The following IGSF5 variants were observed in gnomAD, a reference collection of about 807,000 sequenced individuals.
The protein encoded by IGSF5 is immunoglobulin superfamily 5 like.
In IGSF5, 41 loss-of-function variants were observed where a neutral mutation model predicts 39.4. That is an observed-to-expected ratio of 1.04 (90% CI 0.81 to 1.35). The LOEUF is 1.35. IGSF5 is among the 40% of genes most tolerant of loss of function. The pLI is 0.00. For synonymous variants in IGSF5, 183 were observed against 175.3 expected (o/e 1.04, Z -0.34); for missense variants, 487 against 494.6 (o/e 0.98, Z 0.15).
chr21:39,790,395 C>T (rs1395743014), intron 6 of IGSF5, among the ~76,000 whole-genome samples: 1 of 152,188 alleles, frequency 6.6e-6, no homozygotes, highest in East Asian at 1.9e-4. Context: ...CGTGGTGGCT[C>T]ACTCCTGTAG....
the IGSF5 span, among the ~76,000 whole-genome samples, chr21:39,734,439 T>TACACACACACACACACAC: frequency 3.3e-5 from 4 of 120,288 alleles, no homozygotes; most frequent in Non-Finnish European, 4.9e-5. Flanking sequence ...AAAAAAAAAA[T>TACACACACACACACACAC]ACACACACAC....
At chr21:39,730,412 G>T in the IGSF5 span, 2 of 152,116 alleles carry the variant, frequency 1.3e-5, no homozygotes, top group Non-Finnish European at 2.9e-5. Flanking sequence ...GCCACATTCT[G>T]AGGAACTGTG....
the IGSF5 span, among the ~76,000 whole-genome samples, chr21:39,738,011 G>A: frequency 6.6e-6 from 1 of 152,160 alleles, no homozygotes; most frequent in Non-Finnish European, 1.5e-5. The surrounding 1 kb of genome is among the most constrained non-coding windows in gnomAD (Gnocchi z 6.4). Context: ...TATGAGCCAG[G>A]AACCATGGGT....
intron 5 of IGSF5, among the ~76,000 whole-genome samples, chr21:39,786,861 A>G (rs950840313): frequency 6.6e-6 from 1 of 152,150 alleles, no homozygotes; most frequent in Non-Finnish European, 1.5e-5. Context: ...CGCAAGAACA[A>G]AAAACCAAAC....
chr21:39,738,278 C>T, the IGSF5 span, among the ~76,000 whole-genome samples: 6 of 152,244 alleles, frequency 3.9e-5, no homozygotes, highest in East Asian at 1.9e-4. This position sits in a 1 kb window ranked among gnomAD's most constrained non-coding sequence, Gnocchi z 6.4. Context: ...GAAGTGAAAG[C>T]GGAAACCCTT....
the IGSF5 span, among the ~76,000 whole-genome samples, chr21:39,724,969 T>A: frequency 6.6e-6 from 1 of 152,222 alleles, no homozygotes. Context: ...CGAATCCTGA[T>A]ACAATACAAA....
At chr21:39,730,577 G>A in the IGSF5 span, 1 of 152,250 alleles carries the variant, frequency 6.6e-6, no homozygotes, top group East Asian at 1.9e-4. Flanking sequence ...CATCCAGGGA[G>A]TTCGTTTCTT....
intron 8 of IGSF5, among the ~76,000 whole-genome samples, chr21:39,799,319 G>A (rs116153145): frequency 1.3e-5 from 2 of 152,100 alleles, no homozygotes; most frequent in East Asian, 1.9e-4. Flanking sequence ...TATAAATACC[G>A]CTGCCTTGGT....
At chr21:39,785,960 G>C (rs1293063992) in intron 5 of IGSF5, among the ~76,000 whole-genome samples, 1 of 152,126 alleles carries the variant, frequency 6.6e-6, no homozygotes, top group African/African-American at 2.4e-5. Flanking sequence ...ATCAATTCAA[G>C]ATGGATTAAA....
chr21:39,768,220 A>G (rs571637790), intron 3 of IGSF5, among the ~76,000 whole-genome samples: 9 of 152,266 alleles, frequency 5.9e-5, no homozygotes, highest in Admixed American at 1.3e-4. Context: ...CATTGCTCTG[A>G]ATGGCACTTA....
Position 39,771,128 on chromosome 21 carries a change from G to A in IGSF5, c.631G>A (p.Gly211Arg). 6.2e-7 allele frequency: 1 copy of A among 1,611,924 alleles called. No individual in the cohort carries two copies. The highest frequency in any genetic ancestry group is 1.1e-5 in the South Asian group (1 of 90,360). Reference protein sequence around the residue: ...SILALTPQSNGTLTCVATWKS... With the variant: ...SILALTPQSNRTLTCVATWKS... ...CCTGGCTCTGACCCCACAGAGCAAT[G>A]GGACTTTGACTTGCGTGGCTACCTG... The change falls in exon 4 of 9, where the codon GGG becomes AGG. Residue 211 changes from glycine to arginine, a missense_variant. Physicochemically the swap from Gly to Arg is moderately radical, Grantham distance 125 (BLOSUM62 -2). Coordinates refer to ENST00000380588, the MANE Select transcript of IGSF5 (RefSeq NM_001080444.2).
At chr21:39,736,804 T>TGCTGAG in the IGSF5 span, among the ~76,000 whole-genome samples, 7 of 152,318 alleles carry the variant, frequency 4.6e-5, no homozygotes, top group East Asian at 1.9e-4. Flanking sequence ...CCAGTAGTGG[T>TGCTGAG]GCTGAGGCTG....
Position 39,785,943 on chromosome 21 carries a change from C to T in IGSF5, c.935-2224C>T, listed in dbSNP as rs111702031. 6.6e-5 allele frequency among the ~76,000 whole-genome samples: 10 copies of T among 152,138 alleles called. No homozygotes were observed. The East Asian group carries it at 9.7e-4, about 15-fold the overall frequency. ...AACTGGATCCCTTCCTTACACCTTACACAAAAATCAATTCAAGATGGATTA... is the reference window on the plus strand; with the variant it reads ...AACTGGATCCCTTCCTTACACCTTATACAAAAATCAATTCAAGATGGATTA... On this transcript the variant is annotated intron_variant, in intron 5 of 8. Coordinates refer to ENST00000380588, the MANE Select transcript of IGSF5 (RefSeq NM_001080444.2).
At chr21:39,761,174 A>G (rs2080059857) in intron 2 of IGSF5, among the ~76,000 whole-genome samples, 1 of 152,242 alleles carries the variant, frequency 6.6e-6, no homozygotes, top group African/African-American at 2.4e-5. Flanking sequence ...CCTATTCAAT[A>G]AATGGTGCTG....
At chr21:39,744,496 C>T (rs193041636), upstream of IGSF5, among the ~76,000 whole-genome samples, 1 of 152,220 alleles carries the variant, frequency 6.6e-6, no homozygotes, top group Non-Finnish European at 1.5e-5. Context: ...ACAAGAGTCT[C>T]CGTATCAATT....
Position 39,765,533 on chromosome 21 carries a change from A to T in IGSF5, c.101-2A>T, listed in dbSNP as rs1362919437. 1 of 1,607,686 alleles carries T rather than the reference A, an allele frequency of 6.2e-7. No individual in the cohort carries two copies. Among genetic ancestry groups the T allele is most frequent in the African/African-American group, 1.3e-5 (1 of 74,534 alleles). ...CAACTTGAAAAATTGGCTACCTTCCAGGTTCTGGGTCTGGTAATGAAGTCA... is the reference window on the plus strand; with the variant it reads ...CAACTTGAAAAATTGGCTACCTTCCTGGTTCTGGGTCTGGTAATGAAGTCA... On this transcript the variant is annotated splice_acceptor_variant, in intron 2 of 8. Transcript: ENST00000380588. LOFTEE classifies it high-confidence loss of function.
chr21:39,739,931 G>A, the IGSF5 span, among the ~76,000 whole-genome samples: 2 of 152,126 alleles, frequency 1.3e-5, no homozygotes, highest in Non-Finnish European at 2.9e-5. Context: ...CACTTTACAG[G>A]CCCCAACTAT....
chr21:39,784,242 C>A (rs2080185641), intron 5 of IGSF5, among the ~76,000 whole-genome samples: 1 of 152,174 alleles, frequency 6.6e-6, no homozygotes, highest in East Asian at 1.9e-4. Flanking sequence ...AAAGGAAAAC[C>A]ACTAAATGAC....
upstream of IGSF5, among the ~76,000 whole-genome samples, chr21:39,742,859 T>C (rs2079954226): frequency 6.6e-6 from 1 of 152,052 alleles, no homozygotes; most frequent in African/African-American, 2.4e-5. Flanking sequence ...CCAAGTTCAA[T>C]AGGGTTTCTA....
Sources: gnomAD v4.1 joint callset for allele counts (sites outside exome capture counted in the v4.1 genomes callset) on GRCh38, gnomAD v4.1.1 for gene constraint, Gnocchi (gnomAD v3.1) non-coding constraint, MANE v1.5 for transcripts, NCBI Gene and HGNC (gene_info 2026-07-23, HGNC 2026-07-21) for gene names.